The following AHCTF1 variants were observed in gnomAD, a reference collection of about 807,000 sequenced individuals.
The protein encoded by AHCTF1 is AT-hook containing transcription factor 1, also known as protein ELYS.
AHCTF1 carries 24 observed loss-of-function variants against 248.4 expected under a neutral mutation model. That is an observed-to-expected ratio of 0.10 (90% CI 0.07 to 0.14). The LOEUF is 0.14. Ranked by LOEUF, AHCTF1 falls within the 10% of genes least tolerant of loss-of-function variation. The pLI, the probability that AHCTF1 is intolerant of heterozygous loss-of-function variation, is 1.00. For missense variants in AHCTF1, 2,206 were observed against 2,636.2 expected (o/e 0.84, Z 3.57); for synonymous variants, 786 against 929.8 (o/e 0.85, Z 2.81).
chr1:246,842,928 A>C, intron 34 of AHCTF1, 152 bp from the exon 35 acceptor site: 1 of 630,176 alleles, frequency 1.6e-6, no homozygotes. Flanking sequence ...TTTTAGTAGA[A>C]ACCTTAGTTA....
chr1:246,870,235 T>C (rs1032457035), intron 24 of AHCTF1, among the ~76,000 whole-genome samples: 3 of 152,052 alleles, frequency 2.0e-5, no homozygotes, highest in Non-Finnish European at 2.9e-5. Flanking sequence ...CTTGAGGCCA[T>C]GAGTTTGAGA....
In AHCTF1 at chr1:246,891,001, C is replaced by T. The variant is rs767614421; in HGVS notation, c.2005G>A (p.Val669Met). Reference protein sequence around the residue: ...VSHLICQYAQVVLWFSHSGLL... With the variant: ...VSHLICQYAQMVLWFSHSGLL... ...CCAGAATGAGAGAACCAAAGAACCA[C>T]TTGTGCATACTGACAGATGAGGTGG... Residue 669 changes from valine (V) to methionine (M), a missense_variant, in exon 16 of 36, where the codon GTG (valine) becomes ATG (methionine). Physicochemically the swap from Val to Met is conservative, Grantham distance 21. Transcript: ENST00000648844. 38 of 1,558,914 alleles carry T rather than the reference C, an allele frequency of 2.4e-5. No homozygotes were observed. The highest frequency in any genetic ancestry group is 3.2e-5 in the Non-Finnish European group (37 of 1,158,800).
intron 31 of AHCTF1, among the ~76,000 whole-genome samples, 163 bp downstream of exon 31, chr1:246,855,567 T>G (rs1478326417): frequency 6.6e-6 from 1 of 151,998 alleles, no homozygotes; most frequent in East Asian, 1.9e-4. Context: ...AGCTTATATA[T>G]CTCCTTAGAA....
intron 4 of AHCTF1, among the ~76,000 whole-genome samples, chr1:246,911,626 G>GGCAT (rs1665811896): frequency 6.6e-6 from 1 of 151,678 alleles, no homozygotes; most frequent in Non-Finnish European, 1.5e-5. Flanking sequence ...TGGGATTAGA[G>GGCAT]GCATGCGCCA....
At chr1:246,874,444 A>C (rs1447229592) in intron 24 of AHCTF1, among the ~76,000 whole-genome samples, 1 of 152,202 alleles carries the variant, frequency 6.6e-6, no homozygotes, top group Non-Finnish European at 1.5e-5. Context: ...GTCCCATAAA[A>C]GGAAGGGAAC....
intron 24 of AHCTF1, among the ~76,000 whole-genome samples, chr1:246,872,746 A>T (rs1662686979): frequency 6.6e-6 from 1 of 152,146 alleles, no homozygotes; most frequent in Non-Finnish European, 1.5e-5. Context: ...CTTTCCAATC[A>T]CTATATAGAA....
In AHCTF1 at chr1:246,904,025, T is replaced by C. The variant is rs199635904; in HGVS notation, c.890A>G (p.Asp297Gly). 4.8e-4 allele frequency: 774 copies of C among 1,613,692 alleles called. 9 individuals carry two copies. The Middle Eastern group carries it at 6.8e-3, about 14-fold the overall frequency. ...AVQSTQDSEG[D>G]VLSLHLLQLA... ...CTGCAGCAGATGCAAACTCAAAACA[T>C]CCCCTTCACTGAAACAGAAATTAAC... Residue 297 changes from aspartate to glycine, a missense_variant, in exon 7 of 36, where the codon GAT becomes GGT. By Grantham distance (94) the Asp-to-Gly change is moderately conservative. Around this residue, in one of 6 missense-constraint regions of AHCTF1, gnomAD observed 650 missense variants for 870.8 expected, o/e 0.75. Coordinates refer to ENST00000648844, the MANE Select transcript of AHCTF1 (RefSeq NM_001323342.2).
At position 246,887,361 on chromosome 1, in the gene AHCTF1, T is replaced by C; in HGVS notation, c.2326-4A>G. 6.2e-7 allele frequency: 1 copy of C among 1,605,938 alleles called. No homozygotes were observed. The highest frequency in any genetic ancestry group is 2.2e-5 in the East Asian group (1 of 44,578). ...TATCAAGTAGCAAATAAATGGTCTT[T>C]TAAAAAGCGGATTAAGGACAATAAA... is the stretch of plus-strand genomic sequence containing the variant. On this transcript the variant is annotated splice_region_variant and splice_polypyrimidine_tract_variant and intron_variant, in intron 19 of 35. Coordinates refer to ENST00000648844, the MANE Select transcript of AHCTF1 (RefSeq NM_001323342.2).
chr1:246,857,501 G>A (rs1466081138), intron 30 of AHCTF1, among the ~76,000 whole-genome samples, 190 bp downstream of exon 30: 6 of 152,106 alleles, frequency 3.9e-5, no homozygotes, highest in Non-Finnish European at 7.4e-5. Flanking sequence ...GTATATTTCC[G>A]AAACTTTATA....
chr1:246,845,822 G>A lies in AHCTF1; in HGVS notation c.6392-1894C>T, dbSNP rs562157365. On this transcript the variant is annotated intron_variant, in intron 33 of 35. Coordinates refer to ENST00000648844, the MANE Select transcript of AHCTF1 (RefSeq NM_001323342.2). Reference sequence around the variant, plus strand: ...ACTCTGGAAATTCAAAGAGAGCTCTGATTTGCAGCATTTGCTGATTTCTAA... The same window carrying A: ...ACTCTGGAAATTCAAAGAGAGCTCTAATTTGCAGCATTTGCTGATTTCTAA... 6.3e-4 allele frequency among the ~76,000 whole-genome samples: 96 copies of A among 152,268 alleles called. No individual in the cohort carries two copies. The South Asian group carries it at 0.013, about 20-fold the overall frequency.
Position 246,888,396 on chromosome 1 carries a change from G to T in AHCTF1, c.2266C>A (p.His756Asn). The T allele has an allele frequency of 6.2e-7, 1 of 1,612,708 alleles. No homozygotes were observed. The highest frequency in any genetic ancestry group is 1.7e-5 in the Admixed American group (1 of 60,006). The change falls in exon 18 of 36, where the codon CAT (histidine) becomes AAT (asparagine). Residue 756 changes from histidine to asparagine, a missense_variant and splice_region_variant. His to Asn is a moderately conservative substitution (Grantham distance 68). Around this residue, in one of 6 missense-constraint regions of AHCTF1, gnomAD observed 650 missense variants for 870.8 expected, o/e 0.75. Transcript: ENST00000648844. ...ATAGCACATTACTGCAAACCTACAT[G>T]CAGACTAGCAGGAGGATATTTTCCT... ...GTGKYPPASL[H>N]AVLDMYLLDG...
intron 1 of AHCTF1, among the ~76,000 whole-genome samples, chr1:246,920,418 C>T (rs894742413): frequency 4.6e-5 from 7 of 151,946 alleles, no homozygotes; most frequent in African/African-American, 1.7e-4. Context: ...TATAAAAATT[C>T]AATGGAGCAA....
intron 11 of AHCTF1, among the ~76,000 whole-genome samples, chr1:246,898,687 C>T (rs372453230): frequency 5.9e-5 from 9 of 151,724 alleles, no homozygotes; most frequent in African/African-American, 1.9e-4. Flanking sequence ...CAGTCTACTC[C>T]TCTTTATCTA....
intron 8 of AHCTF1, among the ~76,000 whole-genome samples, chr1:246,901,997 C>T (rs1171643867): frequency 1.3e-5 from 2 of 152,180 alleles, no homozygotes; most frequent in Non-Finnish European, 2.9e-5. Context: ...ATCCTCACAA[C>T]TACCCTTTGC....
chr1:246,845,479 C>A (rs1660191052), intron 33 of AHCTF1, among the ~76,000 whole-genome samples: 1 of 152,160 alleles, frequency 6.6e-6, no homozygotes, highest in African/African-American at 2.4e-5. Flanking sequence ...TCTCTCTTGG[C>A]TTCAAGAAAC....
intron 16 of AHCTF1, among the ~76,000 whole-genome samples, chr1:246,890,579 ATAT>A: frequency 6.6e-6 from 1 of 152,282 alleles, no homozygotes; most frequent in Non-Finnish European, 1.5e-5. Context: ...AATTGAAGAA[ATAT>A]TAGTCAGTAA....
rs1005157664 is a variant in AHCTF1, at chr1:246,905,598, G to A, written c.824C>T (p.Pro275Leu). 2.5e-6 allele frequency: 4 copies of A among 1,612,572 alleles called. No individual in the cohort carries two copies. Among genetic ancestry groups the A allele is most frequent in the African/African-American group, 2.7e-5 (2 of 74,868 alleles). ...VPVYAVTFQE[P>L]ENDPRNCCYL... ...ACAGCAATTCCGAGGATCATTCTCAGGTTCTTGAAAAGTGACAGCATATAC... is the reference window on the plus strand; with the variant it reads ...ACAGCAATTCCGAGGATCATTCTCAAGTTCTTGAAAAGTGACAGCATATAC... The change falls in exon 6 of 36, where the codon CCT becomes CTT. Residue 275 changes from proline (P) to leucine (L), a missense_variant. Coordinates refer to ENST00000648844, the MANE Select transcript of AHCTF1 (RefSeq NM_001323342.2).
Position 246,849,957 on chromosome 1 carries a change from T to C in AHCTF1, c.6049A>G (p.Ser2017Gly). The change falls in exon 33 of 36, where the codon AGT (serine) becomes GGT (glycine). Residue 2017 changes from serine to glycine, a missense_variant. Physicochemically the swap from Ser to Gly is moderately conservative, Grantham distance 56. Coordinates refer to ENST00000648844, the MANE Select transcript of AHCTF1 (RefSeq NM_001323342.2). ...RRSTRNTPAK[S>G]ENVDVGKPAL... ...GGTTTTCCAACATCAACATTTTCAC[T>C]TTTAGCTGGGGTATTTCTTGTAGAT... The C allele has an allele frequency of 6.2e-7, 1 of 1,613,988 alleles. No homozygotes were observed. The highest frequency in any genetic ancestry group is 8.5e-7 in the Non-Finnish European group (1 of 1,179,870).
chr1:246,862,358 T>C (rs1661627575), intron 27 of AHCTF1, among the ~76,000 whole-genome samples: 2 of 151,954 alleles, frequency 1.3e-5, no homozygotes, highest in Admixed American at 1.3e-4. Context: ...CGGGCGCCTG[T>C]AGTCCCAGCT....
Sources: allele counts gnomAD v4.1 joint callset (sites outside exome capture counted in the v4.1 genomes callset), GRCh38; gene constraint gnomAD v4.1.1; regional missense constraint gnomAD v4.1.1; transcripts MANE v1.5; gene names NCBI Gene and HGNC (gene_info 2026-07-23, HGNC 2026-07-21).